Variants in ATP8A1 observed in about 807,000 individuals in gnomAD.
ATP8A1 encodes ATPase phospholipid transporting 8A1.
ATP8A1 carries 90 observed loss-of-function variants against 177.7 expected under a neutral mutation model. That is an observed-to-expected ratio of 0.51 (90% CI 0.43 to 0.60). The LOEUF is 0.60. Ranked by LOEUF, ATP8A1 falls within the 20% of genes least tolerant of loss-of-function variation. ATP8A1 has a pLI of 0.00. For missense variants in ATP8A1, 1,072 were observed against 1,392.8 expected (o/e 0.77, Z 3.67); for synonymous variants, 493 against 485.9 (o/e 1.01, Z -0.19).
At chr4:42,444,490 T>A in intron 32 of ATP8A1, 88 bp downstream of exon 32, 1 of 1,280,888 alleles carries the variant, frequency 7.8e-7, no homozygotes, top group Non-Finnish European at 1.1e-6. Flanking sequence ...CTGGGACATA[T>A]CAAGTTAGAG....
In ATP8A1 at chr4:42,414,732, G is replaced by A. The variant is rs754810302; in HGVS notation, c.3306-14C>T. 1 of 1,607,324 alleles carries A rather than the reference G, an allele frequency of 6.2e-7. No individual in the cohort carries two copies. Among genetic ancestry groups the A allele is most frequent in the South Asian group, 1.1e-5 (1 of 90,954 alleles). On this transcript the variant is annotated splice_polypyrimidine_tract_variant and intron_variant, in intron 35 of 36. Transcript: ENST00000381668. ...CTCTCGGTCAGGCTGCAGAGCAGGTGCAAATGTGTGAAATGAATTATCAAC... is the reference window on the plus strand; with the variant it reads ...CTCTCGGTCAGGCTGCAGAGCAGGTACAAATGTGTGAAATGAATTATCAAC...
chr4:42,519,085 A>ATATT (rs1313178546), intron 22 of ATP8A1, among the ~76,000 whole-genome samples: 2 of 152,060 alleles, frequency 1.3e-5, no homozygotes, highest in Non-Finnish European at 2.9e-5. Flanking sequence ...TGTTATTTAT[A>ATATT]TATTTATTTA....
intron 24 of ATP8A1, among the ~76,000 whole-genome samples, chr4:42,497,898 G>C (rs1019712285): frequency 2.6e-5 from 4 of 151,920 alleles, no homozygotes; most frequent in African/African-American, 9.7e-5. Context: ...GACAATATTC[G>C]AACAATCTTT....
At chr4:42,514,362 C>T (rs577967988) in intron 22 of ATP8A1, among the ~76,000 whole-genome samples, 2 of 152,186 alleles carry the variant, frequency 1.3e-5, no homozygotes, top group Admixed American at 6.5e-5. Flanking sequence ...AAATCTACCA[C>T]GAAGCATTCA....
At chr4:42,640,952 C>G (rs1739914047) in intron 1 of ATP8A1, among the ~76,000 whole-genome samples, 1 of 149,484 alleles carries the variant, frequency 6.7e-6, no homozygotes, top group Non-Finnish European at 1.5e-5. Context: ...TCTGAAGCCA[C>G]ATGCATGCCA....
chr4:42,492,153 T>C (rs1436724074), intron 24 of ATP8A1, among the ~76,000 whole-genome samples: 1 of 152,216 alleles, frequency 6.6e-6, no homozygotes, highest in Non-Finnish European at 1.5e-5. Flanking sequence ...AAAGCCTGTC[T>C]ATACTTATCT....
chr4:42,439,342 G>C (rs1162438158), intron 33 of ATP8A1, among the ~76,000 whole-genome samples: 2 of 152,198 alleles, frequency 1.3e-5, no homozygotes, highest in Admixed American at 1.3e-4. Context: ...AGTTAAATGA[G>C]ACCAGCATCC....
At chr4:42,509,849 CAAAAAA>C (rs751055015) in intron 22 of ATP8A1, among the ~76,000 whole-genome samples, 9 of 79,008 alleles carry the variant, frequency 1.1e-4, no homozygotes, top group East Asian at 3.9e-4. Flanking sequence ...GAGACAGTCT[CAAAAAA>C]AAAAAAAAAA....
Position 42,414,506 on chromosome 4 carries a change from T to C in ATP8A1, c.3397+121A>G, listed in dbSNP as rs547005258. On this transcript the variant is annotated intron_variant, in intron 36 of 36. Transcript: ENST00000381668. ...TTCTGTTATTTACAGGTTACAAATA[T>C]GCAAAACTTATTTTAGACATTAGTT... The C allele has an allele frequency of 3.3e-4, 281 of 844,370 alleles. 4 individuals carry two copies. The highest frequency in any genetic ancestry group is 2.1e-3 in the South Asian group (125 of 58,742). 52.3% of individuals were successfully genotyped at this position (844,370 alleles called of 1,614,324 possible). A position where few individuals can be genotyped will look rare whatever the true frequency, so the allele number is the denominator to read the frequency against.
At chr4:42,497,488 C>G (rs572279446) in intron 24 of ATP8A1, among the ~76,000 whole-genome samples, 1 of 152,274 alleles carries the variant, frequency 6.6e-6, no homozygotes, top group East Asian at 1.9e-4. Context: ...TTCTAGGTCT[C>G]AGGGAGCTCT....
chr4:42,510,591 A>AT (rs915708945), intron 22 of ATP8A1, among the ~76,000 whole-genome samples: 7 of 151,946 alleles, frequency 4.6e-5, no homozygotes, highest in African/African-American at 1.5e-4. Flanking sequence ...CTGCAAAAAT[A>AT]TTTTTTTGCA....
intron 24 of ATP8A1, among the ~76,000 whole-genome samples, chr4:42,495,407 G>A (rs900762107): frequency 8.6e-5 from 13 of 152,028 alleles, no homozygotes; most frequent in East Asian, 1.9e-4. Context: ...ATACTCCTAC[G>A]CAACACATAT....
intron 24 of ATP8A1, among the ~76,000 whole-genome samples, chr4:42,488,691 C>G (rs904274941): frequency 1.3e-5 from 2 of 152,126 alleles, no homozygotes; most frequent in African/African-American, 4.8e-5. Context: ...CTTCCCAGTG[C>G]CCTTCACAAT....
intron 29 of ATP8A1, 141 bp downstream of exon 29, chr4:42,455,152 TAAGA>T (rs1377807928): frequency 5.5e-5 from 57 of 1,035,894 alleles, no homozygotes; most frequent in South Asian, 7.2e-5. Context: ...ATCAGAACCT[TAAGA>T]AATATGACTT....
chr4:42,523,639 G>A (rs927410638), intron 21 of ATP8A1, among the ~76,000 whole-genome samples: 3 of 152,054 alleles, frequency 2.0e-5, no homozygotes, highest in East Asian at 3.9e-4. Flanking sequence ...GTAGAGGTGG[G>A]GGCCAAACCA....
At position 42,454,262 on chromosome 4, in the gene ATP8A1, T is replaced by C. The variant is rs146025983; in HGVS notation, c.2817+1035A>G. On this transcript the variant is annotated intron_variant, in intron 29 of 36. Transcript: ENST00000381668. ...ATAAACCTAGCACTATCGTTTATGCTGTGAGGTTAGAGGCACCAAAACACC... is the reference window on the plus strand; with the variant it reads ...ATAAACCTAGCACTATCGTTTATGCCGTGAGGTTAGAGGCACCAAAACACC... 4.2e-3 allele frequency among the ~76,000 whole-genome samples: 637 copies of C among 152,346 alleles called. 2 individuals are homozygous for C. The highest frequency in any genetic ancestry group is 0.013 in the East Asian group (65 of 5,188).
At chr4:42,446,091 AAAAAAAAAGAG>A (rs1468992509) in intron 31 of ATP8A1, among the ~76,000 whole-genome samples, 3 of 148,290 alleles carry the variant, frequency 2.0e-5, no homozygotes, top group Non-Finnish European at 4.5e-5. Flanking sequence ...AAAAAAAAAA[AAAAAAAAAGAG>A]AAGAGATATA....
chr4:42,582,824 A>G (rs1170443721), intron 9 of ATP8A1, among the ~76,000 whole-genome samples: 2 of 152,130 alleles, frequency 1.3e-5, no homozygotes, highest in Non-Finnish European at 2.9e-5. Flanking sequence ...GCTACCCACT[A>G]TGGTAGGTTA....
intron 2 of ATP8A1, 108 bp from the exon 3 acceptor site, chr4:42,625,821 G>T (rs1738006494): frequency 1.9e-6 from 1 of 534,710 alleles, no homozygotes. Flanking sequence ...ACATTTGCCG[G>T]CTGTTTCAAA....
Sources: allele counts gnomAD v4.1 joint callset (sites outside exome capture counted in the v4.1 genomes callset), GRCh38; gene constraint gnomAD v4.1.1; transcripts MANE v1.5; gene names NCBI Gene and HGNC (gene_info 2026-07-23, HGNC 2026-07-21).